The following DCAF1 variants were observed in gnomAD, a reference collection of about 807,000 sequenced individuals.
DCAF1 encodes the protein DDB1- and CUL4-associated factor 1.
In DCAF1, 15 loss-of-function variants were observed where a neutral mutation model predicts 128.0. That is an observed-to-expected ratio of 0.12 (90% CI 0.08 to 0.18). DCAF1 has a LOEUF of 0.18. Among genes scored for constraint, DCAF1 ranks in the 10% least tolerant of loss-of-function variants. The probability of loss-of-function intolerance (pLI) is 1.00; values close to 1 mark genes in which losing one functional copy is unlikely to be tolerated. For missense variants in DCAF1, 988 were observed against 1,649.5 expected (o/e 0.60, Z 6.95); for synonymous variants, 610 against 603.0 (o/e 1.01, Z -0.17).
intron 3 of DCAF1, among the ~76,000 whole-genome samples, chr3:51,477,721 A>C (rs9880909): frequency 0.038 from 5,810 of 152,232 alleles, 392 homozygotes; most frequent in African/African-American, 0.13. Flanking sequence ...TCATTTAATG[A>C]TGTATCTTTC....
At chr3:51,417,165 C>A (rs1344159855) in intron 17 of DCAF1, among the ~76,000 whole-genome samples, 3 of 152,190 alleles carry the variant, frequency 2.0e-5, no homozygotes, top group African/African-American at 7.2e-5. Context: ...CTCCTACAAT[C>A]CCAGCACTTT....
intron 11 of DCAF1, among the ~76,000 whole-genome samples, chr3:51,429,725 C>G (rs931266460): frequency 6.6e-6 from 1 of 152,098 alleles, no homozygotes; most frequent in East Asian, 1.9e-4. Context: ...AATGAACAAG[C>G]TTTTAATCAT....
chr3:51,456,696 G>A (rs1248540417), intron 6 of DCAF1, among the ~76,000 whole-genome samples: 2 of 152,162 alleles, frequency 1.3e-5, no homozygotes, highest in Non-Finnish European at 2.9e-5. Context: ...ACACGGCTGG[G>A]TACTCCTCTG....
chr3:51,499,566 C>T (rs965350617), intron 1 of DCAF1, among the ~76,000 whole-genome samples: 2 of 151,902 alleles, frequency 1.3e-5, no homozygotes, highest in Admixed American at 1.3e-4. Context: ...CGCCCCTCCT[C>T]CAGGTAGGGG....
rs1553631033 is a variant in DCAF1 at position 51,418,097 on chromosome 3, T to C, written c.3518+19A>G. 1 of 1,604,898 alleles carries C rather than the reference T, an allele frequency of 6.2e-7. No homozygotes were observed. Among genetic ancestry groups the C allele is most frequent in the Admixed American group, 1.7e-5 (1 of 58,624 alleles). The stretch of plus-strand genomic sequence containing the variant: ...TAGGTAAATAAAGCACAGACTAGGT[T>C]CCAAAAGCAGATACATACTTCATAT... On this transcript the variant is annotated intron_variant, in intron 17 of 24. Transcript: ENST00000684031.
At chr3:51,462,292 T>A (rs1035493054) in intron 6 of DCAF1, among the ~76,000 whole-genome samples, 1 of 151,756 alleles carries the variant, frequency 6.6e-6, no homozygotes, top group Non-Finnish European at 1.5e-5. Context: ...CATGGTAGCG[T>A]ACACCTGTAA....
intron 4 of DCAF1, 123 bp downstream of exon 4, chr3:51,470,806 T>G: frequency 1.8e-6 from 1 of 559,650 alleles, no homozygotes; most frequent in Non-Finnish European, 3.0e-6. Context: ...AGACGCTATT[T>G]CAATTCAAAA....
downstream of DCAF1, chr3:51,396,684 C>T (rs1462376438): frequency 1.2e-5 from 2 of 167,150 alleles, no homozygotes; most frequent in South Asian, 2.1e-4. Context: ...GCCTCCTTAG[C>T]CCCTTAGCAC....
intron 3 of DCAF1, among the ~76,000 whole-genome samples, chr3:51,472,575 G>T (rs544819270): frequency 6.6e-5 from 10 of 151,860 alleles, no homozygotes; most frequent in Non-Finnish European, 1.5e-4. Flanking sequence ...CACATAAATT[G>T]AACCATATAA....
At chr3:51,463,948 A>T (rs1202525235) in intron 5 of DCAF1, among the ~76,000 whole-genome samples, 9 of 152,030 alleles carry the variant, frequency 5.9e-5, no homozygotes, top group Admixed American at 5.3e-4. Flanking sequence ...TCGACCTCCC[A>T]GTCTCAAGTG....
Position 51,398,455 on chromosome 3 carries a change from T to C in DCAF1, c.*314A>G, listed in dbSNP as rs1375387267. The C allele has an allele frequency of 1.9e-5, 5 of 267,486 alleles. No individual in the cohort carries two copies. The highest frequency in any genetic ancestry group is 2.8e-5 in the Non-Finnish European group (4 of 141,926). 16.6% of individuals were successfully genotyped at this position (267,486 alleles called of 1,614,324 possible). ...AGTAAAGAACACTATACAAAGAAAA[T>C]ATATTGTGAAATACCCCAGAGACAT... On this transcript the variant is annotated 3_prime_UTR_variant, in exon 25 of 25. Transcript: ENST00000684031.
At chr3:51,463,356 T>C (rs1703809212) in intron 5 of DCAF1, 129 bp from the exon 6 acceptor site, 1 of 445,792 alleles carries the variant, frequency 2.2e-6, no homozygotes, top group Admixed American at 4.3e-5. Context: ...ATGTAACTAA[T>C]TAAACTTTTA....
intron 6 of DCAF1, among the ~76,000 whole-genome samples, chr3:51,447,012 A>T (rs1553640418): frequency 1.3e-5 from 2 of 149,990 alleles, no homozygotes. Flanking sequence ...AATGTTTTAA[A>T]TATTTTTTAA....
chr3:51,416,095 C>T (rs1256889345), intron 18 of DCAF1, among the ~76,000 whole-genome samples: 1 of 152,064 alleles, frequency 6.6e-6, no homozygotes, highest in East Asian at 1.9e-4. Flanking sequence ...TCACAAAAAC[C>T]AGAGTCACAC....
At position 51,401,428 on chromosome 3, in the gene DCAF1, A is replaced by G. The variant is rs781826983; in HGVS notation, c.4465+1715T>C. On this transcript the variant is annotated intron_variant, in intron 24 of 24. Transcript: ENST00000684031. ...CAGCTGGCTCTTCTATGAAACACAG[A>G]AAGAGCCATGGAGTGTGCTCCAGAT... Among the ~76,000 whole-genome samples the G allele has an allele frequency of 6.6e-5, 10 of 152,198 alleles. No homozygotes were observed. In the South Asian group the frequency reaches 1.2e-3, roughly 19 times the overall value.
intron 23 of DCAF1, among the ~76,000 whole-genome samples, chr3:51,409,741 G>A (rs980739355): frequency 3.3e-5 from 5 of 152,114 alleles, no homozygotes; most frequent in Non-Finnish European, 5.9e-5. Flanking sequence ...TAGCTAATGT[G>A]AAAAAGTAGG....
Position 51,398,651 on chromosome 3 carries a change from G to A in DCAF1, c.*118C>T, listed in dbSNP as rs1577031229. ...TCTAAGCCATAATCTTCTGAATGCA[G>A]GGCATGCAGCTCCTTAAAAGACAGA... is the stretch of plus-strand genomic sequence containing the variant. On this transcript the variant is annotated 3_prime_UTR_variant, in exon 25 of 25. Coordinates refer to ENST00000684031, the MANE Select transcript of DCAF1 (RefSeq NM_001387579.1). The A allele has an allele frequency of 7.4e-7, 1 of 1,344,928 alleles. No homozygotes were observed. Among genetic ancestry groups the A allele is most frequent in the East Asian group, 2.5e-5 (1 of 39,776 alleles). 83.3% of individuals were successfully genotyped at this position (1,344,928 alleles called of 1,614,324 possible).
chr3:51,462,827 G>A (rs372822195), intron 6 of DCAF1, among the ~76,000 whole-genome samples: 9 of 151,406 alleles, frequency 5.9e-5, no homozygotes, highest in Middle Eastern at 6.8e-3. Context: ...TTGGCTGGGC[G>A]CAGAGGCTCA....
chr3:51,472,571 A>C (rs1704878318), intron 3 of DCAF1, among the ~76,000 whole-genome samples: 1 of 151,978 alleles, frequency 6.6e-6, no homozygotes, highest in African/African-American at 2.4e-5. Flanking sequence ...CTTTCACATA[A>C]ATTGAACCAT....
Sources: allele counts gnomAD v4.1 joint callset (sites outside exome capture counted in the v4.1 genomes callset), GRCh38; gene constraint gnomAD v4.1.1; transcripts MANE v1.5; gene names NCBI Gene and HGNC (gene_info 2026-07-23, HGNC 2026-07-21).